Variants in NKAIN2 observed in about 807,000 individuals in gnomAD.
NKAIN2 encodes sodium/potassium-transporting ATPase subunit beta-1-interacting protein 2.
NKAIN2 carries 14 observed loss-of-function variants against 32.6 expected under a neutral mutation model. That is an observed-to-expected ratio of 0.43 (90% CI 0.28 to 0.67). NKAIN2 has a LOEUF of 0.67. NKAIN2 is among the 30% of genes least tolerant of loss of function. The pLI is 0.17. For missense variants in NKAIN2, 198 were observed against 258.3 expected (o/e 0.77, Z 1.60); for synonymous variants, 80 against 87.2 (o/e 0.92, Z 0.46).
In NKAIN2 at chr6:124,730,030, C is replaced by A. The variant is rs1251171624; in HGVS notation, c.475-61309C>A. Among the ~76,000 whole-genome samples the A allele has an allele frequency of 3.4e-3, 451 of 130,940 alleles. 4 individuals carry two copies. The highest frequency in any genetic ancestry group is 0.012 in the African/African-American group (431 of 34,538). 85.9% of individuals were successfully genotyped at this position (130,940 alleles called of 152,430 possible). A position where few individuals can be genotyped will look rare whatever the true frequency, so the allele number is the denominator to read the frequency against. On this transcript the variant is annotated intron_variant, in intron 4 of 6. Coordinates refer to ENST00000368417, the MANE Select transcript of NKAIN2 (RefSeq NM_001040214.3). Reference sequence around the variant, plus strand: ...ATGTGAAGGACCTCTTCAAGGAGAACTACAAACCACTGATCAAGGAAATAA... The same window carrying A: ...ATGTGAAGGACCTCTTCAAGGAGAAATACAAACCACTGATCAAGGAAATAA...
At chr6:124,689,158 G>A (rs1774140284) in intron 4 of NKAIN2, among the ~76,000 whole-genome samples, 1 of 152,068 alleles carries the variant, frequency 6.6e-6, no homozygotes, top group African/African-American at 2.4e-5. Flanking sequence ...CACTGTTCTG[G>A]ATTTTGGGCA....
chr6:123,868,662 C>T (rs996101907), intron 1 of NKAIN2, among the ~76,000 whole-genome samples: 3 of 152,082 alleles, frequency 2.0e-5, no homozygotes, highest in African/African-American at 7.2e-5. Context: ...AAATCTCTGC[C>T]TTTACTTTGT....
chr6:124,158,879 G>T (rs1788126929), intron 1 of NKAIN2, among the ~76,000 whole-genome samples: 1 of 152,136 alleles, frequency 6.6e-6, no homozygotes, highest in African/African-American at 2.4e-5. Flanking sequence ...GCCTGTGTTT[G>T]AAAAACGTTT....
chr6:124,577,136 AG>A (rs146713672), intron 3 of NKAIN2, among the ~76,000 whole-genome samples: 7,569 of 152,296 alleles, frequency 0.05, 296 homozygotes, highest in South Asian at 0.16. Flanking sequence ...GCAAGAAAGG[AG>A]ATGGAGCAAG....
intron 1 of NKAIN2, among the ~76,000 whole-genome samples, chr6:124,136,130 G>A (rs745828223): frequency 1.3e-5 from 2 of 152,046 alleles, no homozygotes; most frequent in African/African-American, 2.4e-5. Context: ...TAAACCATTA[G>A]CAAGATTTAC....
intron 3 of NKAIN2, among the ~76,000 whole-genome samples, chr6:124,476,077 T>A (rs1447858312): frequency 2.7e-5 from 4 of 148,638 alleles, no homozygotes; most frequent in Non-Finnish European, 4.4e-5. Flanking sequence ...TGTGTGTGTG[T>A]GTGTGTGTGT....
At chr6:124,541,440 T>G (rs501010) in intron 3 of NKAIN2, among the ~76,000 whole-genome samples, 146,627 of 152,246 alleles carry the variant, frequency 0.96, 70,857 homozygotes, top group East Asian at 1. Context: ...GGTTAGTCCA[T>G]TGTATGGAAC....
chr6:124,005,284 T>C (rs530448159), intron 1 of NKAIN2, among the ~76,000 whole-genome samples: 3 of 152,254 alleles, frequency 2.0e-5, no homozygotes, highest in South Asian at 4.1e-4. Context: ...CCAATTCTTA[T>C]GTAATTCAAA....
intron 2 of NKAIN2, among the ~76,000 whole-genome samples, chr6:124,330,470 A>G (rs1399713108): frequency 6.6e-6 from 1 of 152,148 alleles, no homozygotes; most frequent in African/African-American, 2.4e-5. Context: ...TCTTTCATGA[A>G]TGTCCAGAAT....
chr6:124,247,500 A>G (rs984990717), intron 1 of NKAIN2, among the ~76,000 whole-genome samples: 5 of 152,110 alleles, frequency 3.3e-5, no homozygotes, highest in Admixed American at 2.6e-4. Context: ...AAGTCCTCAG[A>G]TCTATATGAT....
intron 1 of NKAIN2, among the ~76,000 whole-genome samples, chr6:124,086,599 C>T (rs1186362219): frequency 6.6e-6 from 1 of 151,842 alleles, no homozygotes; most frequent in African/African-American, 2.4e-5. Flanking sequence ...CTAGTTAAAA[C>T]ACAATTGCTG....
intron 1 of NKAIN2, among the ~76,000 whole-genome samples, chr6:123,967,350 T>C (rs1032144659): frequency 6.6e-6 from 1 of 152,180 alleles, no homozygotes; most frequent in Non-Finnish European, 1.5e-5. Flanking sequence ...GTATAATTGG[T>C]TTTTCTGATT....
chr6:124,757,922 TTAAC>T (rs1778041987), intron 4 of NKAIN2, among the ~76,000 whole-genome samples: 1 of 152,186 alleles, frequency 6.6e-6, no homozygotes. Context: ...TATTAAGTTT[TTAAC>T]TAATAAGGTA....
chr6:124,285,136 C>A (rs1795477480), intron 2 of NKAIN2, among the ~76,000 whole-genome samples: 1 of 152,268 alleles, frequency 6.6e-6, no homozygotes, highest in East Asian at 1.9e-4. Flanking sequence ...GCCTTGATTT[C>A]ATCTTGACTG....
intron 1 of NKAIN2, among the ~76,000 whole-genome samples, chr6:123,913,574 A>G (rs1371598692): frequency 1.3e-5 from 2 of 152,164 alleles, no homozygotes; most frequent in Non-Finnish European, 2.9e-5. Flanking sequence ...GCCCTTTGGT[A>G]TTCATTTTGA....
Position 124,604,617 on chromosome 6 carries a change from TAATA to T in NKAIN2, c.274-53564_274-53561del, listed in dbSNP as rs1782430472. The stretch of plus-strand genomic sequence containing the variant: ...CCAGAAAAAATAAAAAATGTATTTT[TAATA>T]AATATTAATATTTAATAAAATTAAT... On this transcript the variant is annotated intron_variant, in intron 3 of 6. Coordinates refer to ENST00000368417, the MANE Select transcript of NKAIN2 (RefSeq NM_001040214.3). Among the ~76,000 whole-genome samples, 3 of 151,630 alleles carry T rather than the reference TAATA, an allele frequency of 2.0e-5. No homozygotes were observed. In the South Asian group the frequency reaches 6.2e-4, roughly 31 times the overall value.
chr6:123,915,131 T>G (rs1300106492), intron 1 of NKAIN2, among the ~76,000 whole-genome samples: 1 of 152,208 alleles, frequency 6.6e-6, no homozygotes, highest in Admixed American at 6.6e-5. Context: ...GATACAATTA[T>G]GTTTGGGCCA....
chr6:124,183,463 AC>A (rs1490153255), intron 1 of NKAIN2, among the ~76,000 whole-genome samples: 1 of 152,086 alleles, frequency 6.6e-6, no homozygotes, highest in African/African-American at 2.4e-5. Flanking sequence ...CATGTTAATT[AC>A]ATTTGAAAAC....
At chr6:123,900,705 T>C (rs1450328719) in intron 1 of NKAIN2, among the ~76,000 whole-genome samples, 3 of 151,732 alleles carry the variant, frequency 2.0e-5, no homozygotes, top group African/African-American at 7.3e-5. Flanking sequence ...ATAGTTTCTC[T>C]AGAGATTGAC....
Sources: gnomAD v4.1 joint callset for allele counts (sites outside exome capture counted in the v4.1 genomes callset) on GRCh38, gnomAD v4.1.1 for gene constraint, MANE v1.5 for transcripts, NCBI Gene and HGNC (gene_info 2026-07-23, HGNC 2026-07-21) for gene names.